The following XPO5 variants were observed in gnomAD, a reference collection of about 807,000 sequenced individuals.
The protein encoded by XPO5 is exportin-5.
XPO5 carries 46 observed loss-of-function variants against 160.6 expected under a neutral mutation model. The ratio of observed to expected loss-of-function variants is 0.29; its 90% confidence interval spans 0.23 to 0.37. The LOEUF is 0.37. Ranked by LOEUF, XPO5 falls within the 10% of genes least tolerant of loss-of-function variation. XPO5 has a pLI of 1.00. For missense variants in XPO5, 1,090 were observed against 1,463.9 expected (o/e 0.74, Z 4.17); for synonymous variants, 537 against 519.3 (o/e 1.03, Z -0.46).
At chr6:43,538,552 G>C (rs993367956) in intron 20 of XPO5, among the ~76,000 whole-genome samples, 1 of 152,140 alleles carries the variant, frequency 6.6e-6, no homozygotes, top group African/African-American at 2.4e-5. Flanking sequence ...TTGTATACTG[G>C]ATATTGAATT....
Position 43,575,921 on chromosome 6 carries a change from G to T in XPO5, c.-57C>A. 1 of 1,552,352 alleles carries T rather than the reference G, an allele frequency of 6.4e-7. No homozygotes were observed. Among genetic ancestry groups the T allele is most frequent in the South Asian group, 1.1e-5 (1 of 88,574 alleles). ...CTGCAGTCCCGGGACCACGAGGCAC[G>T]ACAGCTCCCTCGGCGAGACCACCCG... On this transcript the variant is annotated 5_prime_UTR_variant, in exon 1 of 32. Coordinates refer to ENST00000265351, the MANE Select transcript of XPO5 (RefSeq NM_020750.3).
intron 20 of XPO5, chr6:43,539,553 G>A (rs1189156958): frequency 1.6e-5 from 23 of 1,396,976 alleles, no homozygotes; most frequent in African/African-American, 2.8e-5. Context: ...TTGCCTCCGC[G>A]AGCTCCGCGG....
rs1793320869 is a variant in XPO5 at position 43,523,421 on chromosome 6, G to A, written c.*447C>T. 3.3e-6 allele frequency: 1 copy of A among 298,580 alleles called. No homozygotes were observed. The highest frequency in any genetic ancestry group is 2.2e-5 in the African/African-American group (1 of 45,944). 18.5% of individuals were successfully genotyped at this position (298,580 alleles called of 1,614,324 possible). On this transcript the variant is annotated 3_prime_UTR_variant, in exon 32 of 32. Coordinates refer to ENST00000265351, the MANE Select transcript of XPO5 (RefSeq NM_020750.3). ...CAGCCCAGCAGCAAAAGGGCTCAGTGGGAGTTGGAGTGGTCCAAGAGAAAC... is the reference window on the plus strand; with the variant it reads ...CAGCCCAGCAGCAAAAGGGCTCAGTAGGAGTTGGAGTGGTCCAAGAGAAAC...
Position 43,528,336 on chromosome 6 carries a change from G to A in XPO5, c.2776-131C>T, listed in dbSNP as rs2127703010. 3.6e-6 allele frequency: 3 copies of A among 836,504 alleles called. No individual in the cohort carries two copies. In the East Asian group the frequency reaches 7.9e-5, roughly 22 times the overall value. The allele number at this position is 836,504 out of a possible 1,614,324, so 51.8% of individuals were successfully genotyped here. On this transcript the variant is annotated intron_variant, in intron 24 of 31. Transcript: ENST00000265351. Reference sequence around the variant, plus strand: ...CTAGGCATCAATGACAACTTCTGTAGACTCCACACCACAAGGTTAAAAAAA... The same window carrying A: ...CTAGGCATCAATGACAACTTCTGTAAACTCCACACCACAAGGTTAAAAAAA...
At position 43,572,566 on chromosome 6, in the gene XPO5, G is replaced by A. The variant is rs771525788; in HGVS notation, c.240C>T (p.Asn80=). ...ILEHVVKFRW[N]GMSRLEKVYL... ...ACACCTTCTCCAATCGAGACATGCCGTTCCACCGAAACCTGACCACCAAAA... is the reference window on the plus strand; with the variant it reads ...ACACCTTCTCCAATCGAGACATGCCATTCCACCGAAACCTGACCACCAAAA... Residue 80 remains asparagine (N), a synonymous_variant, in exon 3 of 32, where the codon AAC becomes AAT. Coordinates refer to ENST00000265351, the MANE Select transcript of XPO5 (RefSeq NM_020750.3). 9 of 1,613,546 alleles carry A rather than the reference G, an allele frequency of 5.6e-6. No homozygotes were observed. The highest frequency in any genetic ancestry group is 3.3e-5 in the Admixed American group (2 of 59,948).
intron 20 of XPO5, among the ~76,000 whole-genome samples, chr6:43,545,632 G>C (rs1331489356): frequency 6.6e-6 from 1 of 152,082 alleles, no homozygotes; most frequent in South Asian, 2.1e-4. Flanking sequence ...GCTTAAGCCT[G>C]GGAGGCGGAG....
At chr6:43,543,688 T>C (rs1794819774) in intron 20 of XPO5, among the ~76,000 whole-genome samples, 1 of 152,068 alleles carries the variant, frequency 6.6e-6, no homozygotes, top group Admixed American at 6.6e-5. Context: ...TTTTTTCTTT[T>C]TTGAGACGGA....
intron 23 of XPO5, chr6:43,529,251 A>G: frequency 7.3e-7 from 1 of 1,376,810 alleles, no homozygotes; most frequent in Non-Finnish European, 9.7e-7. Context: ...AATTTCAGGT[A>G]AGAAAGATTT....
chr6:43,575,998 T>C lies in XPO5; in HGVS notation c.-134A>G. On this transcript the variant is annotated 5_prime_UTR_variant, in exon 1 of 32. Transcript: ENST00000265351. Reference sequence around the variant, plus strand: ...GGGGTGGGAAGCTGGAGGAGGAGCGTTAGCAGCAACTCGCGCTGGGAAGAA... The same window carrying C: ...GGGGTGGGAAGCTGGAGGAGGAGCGCTAGCAGCAACTCGCGCTGGGAAGAA... 1.3e-5 allele frequency: 10 copies of C among 768,272 alleles called. No individual in the cohort carries two copies. Among genetic ancestry groups the C allele is most frequent in the Non-Finnish European group, 2.1e-5 (10 of 483,530 alleles). The allele number at this position is 768,272 out of a possible 1,614,324, so 47.6% of individuals were successfully genotyped here.
intron 23 of XPO5, 77 bp from the exon 24 acceptor site, chr6:43,529,002 G>A: frequency 1.5e-6 from 2 of 1,358,092 alleles, no homozygotes; most frequent in Non-Finnish European, 1.0e-6. Context: ...GCACCCCTGG[G>A]CAGAATCAAT....
chr6:43,526,863 G>A, intron 26 of XPO5, 116 bp from the exon 27 acceptor site: 1 of 1,029,794 alleles, frequency 9.7e-7, no homozygotes, highest in East Asian at 2.6e-5. Flanking sequence ...AGGAAGATGG[G>A]GGTACCGTCC....
At chr6:43,551,216 T>C (rs1795212991) in intron 15 of XPO5, 82 bp downstream of exon 15, 1 of 1,378,172 alleles carries the variant, frequency 7.3e-7, no homozygotes, top group Admixed American at 2.9e-5. Flanking sequence ...TGTAGCAAGA[T>C]CCTGTCTCCA....
chr6:43,562,443 T>G, intron 8 of XPO5, 97 bp from the exon 9 acceptor site: 12 of 900,458 alleles, frequency 1.3e-5, no homozygotes, highest in Non-Finnish European at 2.0e-5. Flanking sequence ...TTTAGTTAGG[T>G]CTGTAATTCA....
rs1487274475 is a variant in XPO5, at chr6:43,575,798, G to A, written c.67C>T (p.Pro23Ser). 2 of 1,613,690 alleles carry A rather than the reference G, an allele frequency of 1.2e-6. No homozygotes were observed. Among genetic ancestry groups the A allele is most frequent in the African/African-American group, 2.7e-5 (2 of 74,940 alleles). ...LVKAVTVMMD[P>S]NSTQRYRLEA... ...AGCCGGTAGCGCTGGGTGGAGTTGG[G>A]GTCCATCATGACCGTCACCGCTTTC... The change falls in exon 1 of 32, where the codon CCC becomes TCC. Residue 23 changes from proline (P) to serine (S), a missense_variant. This residue lies in a region of XPO5 where 170 missense variants were observed against 227.0 expected (regional missense o/e 0.75). Transcript: ENST00000265351.
intron 20 of XPO5, among the ~76,000 whole-genome samples, chr6:43,534,980 G>A (rs1365901086): frequency 6.6e-6 from 1 of 151,954 alleles, no homozygotes; most frequent in African/African-American, 2.4e-5. Flanking sequence ...GGGCAACAGA[G>A]TGAGACTCCA....
Position 43,570,311 on chromosome 6 carries a change from C to CAAAAAAAAA in XPO5, c.621+182_621+190dup, listed in dbSNP as rs70990200. On this transcript the variant is annotated intron_variant, in intron 5 of 31. Transcript: ENST00000265351. Reference sequence around the variant, plus strand: ...TAGGTGACAGAGCGAGCCTCCGTCTCAAAAAAAAAAAAAAAAAAAAAAGAA... The same window carrying CAAAAAAAAA: ...TAGGTGACAGAGCGAGCCTCCGTCTCAAAAAAAAAAAAAAAAAAAAAAAAAAAAAAAGAA... Among the ~76,000 whole-genome samples, 33 of 77,148 alleles carry CAAAAAAAAA rather than the reference C, an allele frequency of 4.3e-4. 1 individual carries two copies. Among genetic ancestry groups the CAAAAAAAAA allele is most frequent in the Admixed American group, 6.4e-4 (4 of 6,270 alleles). 50.6% of individuals were successfully genotyped at this position (77,148 alleles called of 152,430 possible). A position where few individuals can be genotyped will look rare whatever the true frequency, so the allele number is the denominator to read the frequency against.
At chr6:43,549,653 A>C in intron 16 of XPO5, 75 bp from the exon 17 acceptor site, 1 of 1,512,842 alleles carries the variant, frequency 6.6e-7, no homozygotes, top group South Asian at 1.2e-5. Flanking sequence ...TCATGTGAAT[A>C]TCTCAGTCAG....
In XPO5 at chr6:43,572,320, T is replaced by A. The variant is rs544779606; in HGVS notation, c.300+186A>T. Among the ~76,000 whole-genome samples the A allele has an allele frequency of 2.2e-4, 33 of 152,356 alleles. No individual in the cohort carries two copies. The South Asian group carries it at 6.8e-3, about 32-fold the overall frequency. Reference sequence around the variant, plus strand: ...TCGAATTCTTAGATGCAGGTGATCCTCTTACCTTGGCTTCCCAAAGCGCTA... The same window carrying A: ...TCGAATTCTTAGATGCAGGTGATCCACTTACCTTGGCTTCCCAAAGCGCTA... On this transcript the variant is annotated intron_variant, in intron 3 of 31. Transcript: ENST00000265351.
In XPO5 at chr6:43,523,934, C is replaced by T. The variant is rs1449845096; in HGVS notation, c.3549G>A (p.Lys1183=). The T allele has an allele frequency of 6.2e-7, 1 of 1,613,910 alleles. No individual in the cohort carries two copies. The highest frequency in any genetic ancestry group is 8.5e-7 in the Non-Finnish European group (1 of 1,179,908). Residue 1183 remains lysine (K), a synonymous_variant, in exon 32 of 32, where the codon AAG becomes AAA. Transcript: ENST00000265351. ...KNLPSLFKKT[K]PMLETEVLDN... ...CCAGCACCTCCGTCTCCAGCATTGG[C>T]TTTGTTTTTTTGAAAAGTGAGGGAA...
Sources: gnomAD v4.1 joint callset for allele counts (sites outside exome capture counted in the v4.1 genomes callset) on GRCh38, gnomAD v4.1.1 for gene constraint, gnomAD v4.1.1 regional missense constraint, MANE v1.5 for transcripts, NCBI Gene and HGNC (gene_info 2026-07-23, HGNC 2026-07-21) for gene names.